Variants in PRKAG1 observed in about 807,000 individuals in gnomAD.
PRKAG1 encodes 5'-AMP-activated protein kinase subunit gamma-1.
PRKAG1 carries 27 observed loss-of-function variants against 48.2 expected under a neutral mutation model. The observed-to-expected ratio is 0.56, with a 90% CI of 0.41 to 0.77. The LOEUF is 0.77. Among genes scored for constraint, PRKAG1 ranks in the 30% least tolerant of loss-of-function variants. The probability of loss-of-function intolerance (pLI) is 0.00; values close to 1 mark genes in which losing one functional copy is unlikely to be tolerated. For missense variants in PRKAG1, 287 were observed against 398.3 expected (o/e 0.72, Z 2.38); for synonymous variants, 130 against 147.7 (o/e 0.88, Z 0.87).
chr12:49,013,224 C>A, intron 1 of PRKAG1, 114 bp from the exon 2 acceptor site: 1 of 923,790 alleles, frequency 1.1e-6, no homozygotes, highest in Non-Finnish European at 1.7e-6. Context: ...CACTATAAAG[C>A]CACTGCCCCC....
At position 49,005,753 on chromosome 12, in the gene PRKAG1, G is replaced by A. The variant is rs1304648370; in HGVS notation, c.158C>T (p.Thr53Met). Residue 53 changes from threonine (T) to methionine (M), a missense_variant, in exon 3 of 12, where the codon ACG becomes ATG. Coordinates refer to ENST00000548065, the MANE Select transcript of PRKAG1 (RefSeq NM_002733.5). The surrounding 1 kb of genome is among the most constrained non-coding windows in gnomAD (Gnocchi z 4.1). ...GAGGATTTCACCCACCTGCAGGGAC[G>A]TATCAAATACAACCAATTTGGAGCT... ...PTSSKLVVFD[T>M]SLQVKKAFFA... is the part of the protein sequence containing the mutation. 6.8e-6 allele frequency: 11 copies of A among 1,613,390 alleles called. No homozygotes were observed. Among genetic ancestry groups the A allele is most frequent in the Middle Eastern group, 1.6e-4 (1 of 6,084 alleles).
intron 1 of PRKAG1, chr12:49,018,007 AGAGTGAGG>A (rs1942065285): frequency 6.6e-6 from 1 of 152,172 alleles, no homozygotes; most frequent in Non-Finnish European, 1.5e-5. Flanking sequence ...AAGACTCCTG[AGAGTGAGG>A]GTGGGTGCAA....
At position 49,002,652 on chromosome 12, in the gene PRKAG1, T is replaced by G; in HGVS notation, c.*247A>C. ...GTTCACCCAGAAAGGGGGATATATCTAAGAGGACAGGGGCTAGAACTGGCT... is the reference window on the plus strand; with the variant it reads ...GTTCACCCAGAAAGGGGGATATATCGAAGAGGACAGGGGCTAGAACTGGCT... On this transcript the variant is annotated 3_prime_UTR_variant, in exon 12 of 12. Coordinates refer to ENST00000548065, the MANE Select transcript of PRKAG1 (RefSeq NM_002733.5). 1 of 575,888 alleles carries G rather than the reference T, an allele frequency of 1.7e-6. No homozygotes were observed. The highest frequency in any genetic ancestry group is 2.6e-5 in the Admixed American group (1 of 38,626). The allele number at this position is 575,888 out of a possible 1,614,324, so 35.7% of individuals were successfully genotyped here.
chr12:49,018,326 G>T, intron 1 of PRKAG1: 1 of 466,242 alleles, frequency 2.1e-6, no homozygotes, highest in Non-Finnish European at 3.0e-6. Flanking sequence ...TCGAGGTCCA[G>T]GAGCTACCTG....
Position 49,005,361 on chromosome 12 carries a change from A to G in PRKAG1, c.254T>C (p.Met85Thr). The change falls in exon 5 of 12, where the codon ATG becomes ACG. Residue 85 changes from methionine to threonine, a missense_variant. Coordinates refer to ENST00000548065, the MANE Select transcript of PRKAG1 (RefSeq NM_002733.5). The surrounding 1 kb of genome is among the most constrained non-coding windows in gnomAD (Gnocchi z 4.1). Reference sequence around the variant, plus strand: ...ATTGATGAAATCAGTGATGGTCAGCATGCCTAGAGGACAAGACAGAGCCCT... The same window carrying G: ...ATTGATGAAATCAGTGATGGTCAGCGTGCCTAGAGGACAAGACAGAGCCCT... ...WDSKKQSFVG[M>T]LTITDFINIL... The G allele has an allele frequency of 1.2e-6, 2 of 1,614,190 alleles. No homozygotes were observed. Among genetic ancestry groups the G allele is most frequent in the Non-Finnish European group, 8.5e-7 (1 of 1,180,040 alleles).
chr12:49,005,704 A>T lies in PRKAG1; in HGVS notation c.168+39T>A. 8.7e-6 allele frequency: 14 copies of T among 1,607,530 alleles called. No individual in the cohort carries two copies. The highest frequency in any genetic ancestry group is 1.2e-5 in the Non-Finnish European group (14 of 1,174,144). On this transcript the variant is annotated intron_variant, in intron 3 of 11. Coordinates refer to ENST00000548065, the MANE Select transcript of PRKAG1 (RefSeq NM_002733.5). The surrounding 1 kb of genome is among the most constrained non-coding windows in gnomAD (Gnocchi z 4.1). ...GATAGGATGAGAGGTATTAAACCAC[A>T]GGCTCCAAAGGGGGAAGGGAAAAGA...
intron 1 of PRKAG1, among the ~76,000 whole-genome samples, chr12:49,015,665 G>A (rs201132393): frequency 5.3e-5 from 8 of 151,944 alleles, no homozygotes; most frequent in South Asian, 2.1e-4. Context: ...CTCCGCCTCC[G>A]GGGTTCAAGC....
intron 1 of PRKAG1, chr12:49,017,556 C>A: frequency 9.3e-6 from 2 of 214,416 alleles, no homozygotes; most frequent in Non-Finnish European, 1.9e-5. Flanking sequence ...AGAGCCTAAT[C>A]CAGTACATAA....
At chr12:49,004,027 T>C (rs1161239608) in intron 8 of PRKAG1, 105 bp from the exon 9 acceptor site, 4 of 1,452,322 alleles carry the variant, frequency 2.8e-6, no homozygotes, top group Non-Finnish European at 3.7e-6. Context: ...CGCCGGCTTA[T>C]GCCTATAATC....
At position 49,002,885 on chromosome 12, in the gene PRKAG1, C is replaced by A; in HGVS notation, c.*14G>T. 6.2e-7 allele frequency: 1 copy of A among 1,608,598 alleles called. No individual in the cohort carries two copies. The highest frequency in any genetic ancestry group is 8.5e-7 in the Non-Finnish European group (1 of 1,175,142). ...GGGCATATCCCCTGGTGCTGCATGACCCCTTCCCCCAGCTCAGGGCTTCTT... is the reference window on the plus strand; with the variant it reads ...GGGCATATCCCCTGGTGCTGCATGAACCCTTCCCCCAGCTCAGGGCTTCTT... On this transcript the variant is annotated 3_prime_UTR_variant, in exon 12 of 12. Transcript: ENST00000548065.
At chr12:49,015,327 A>T (rs546135941) in intron 1 of PRKAG1, among the ~76,000 whole-genome samples, 25 of 152,360 alleles carry the variant, frequency 1.6e-4, no homozygotes, top group Non-Finnish European at 3.1e-4. Flanking sequence ...TTTGTTCATT[A>T]TCTATCCAAA....
rs2067445913 is a variant in PRKAG1 at position 49,002,698 on chromosome 12, T to A, written c.*201A>T. On this transcript the variant is annotated 3_prime_UTR_variant, in exon 12 of 12. Coordinates refer to ENST00000548065, the MANE Select transcript of PRKAG1 (RefSeq NM_002733.5). ...TGGCTAGGCTGAAAGTTTTTTCAAG[T>A]GTATGTGTGAGGGTAAGGGTAGCTA... 1.5e-6 allele frequency: 1 copy of A among 679,236 alleles called. No individual in the cohort carries two copies. The highest frequency in any genetic ancestry group is 1.8e-5 in the African/African-American group (1 of 56,704). 42.1% of individuals were successfully genotyped at this position (679,236 alleles called of 1,614,324 possible).
intron 1 of PRKAG1, among the ~76,000 whole-genome samples, chr12:49,013,641 G>A (rs867568544): frequency 6.6e-6 from 1 of 152,148 alleles, no homozygotes. Flanking sequence ...GTCTCTGAGG[G>A]TCAAGAGACA....
chr12:49,017,022 A>T (rs1255224040), intron 1 of PRKAG1: 1 of 417,204 alleles, frequency 2.4e-6, no homozygotes, highest in Non-Finnish European at 4.7e-6. Context: ...CTGTTCTCTC[A>T]ATTTGCAGTG....
At chr12:49,014,882 T>C (rs1306066986) in intron 1 of PRKAG1, among the ~76,000 whole-genome samples, 1 of 152,256 alleles carries the variant, frequency 6.6e-6, no homozygotes, top group Non-Finnish European at 1.5e-5. Context: ...TTTCATCTGC[T>C]AGCATCAACA....
chr12:49,012,907 T>A (rs1025077005), intron 2 of PRKAG1, 155 bp downstream of exon 2: 6 of 681,238 alleles, frequency 8.8e-6, no homozygotes, highest in Non-Finnish European at 1.5e-5. Flanking sequence ...TCCTGGGTGA[T>A]CTTGCCAAAC....
rs1454790988 is a variant in PRKAG1, at chr12:49,005,326, G to A, written c.289C>T (p.Arg97Cys). ...TITDFINILH[R>C]YYKSALVQIY... ...CTTACCAAGGCTGATTTATAGTAGC[G>A]GTGCAGGATATTGATGAAATCAGTG... Residue 97 changes from arginine to cysteine, a missense_variant, in exon 5 of 12, where the codon CGC becomes TGC. Physicochemically the swap from Arg to Cys is radical, Grantham distance 180. This residue lies in a region of PRKAG1 where 224 missense variants were observed against 344.3 expected (regional missense o/e 0.65). Transcript: ENST00000548065. This position sits in a 1 kb window ranked among gnomAD's most constrained non-coding sequence, Gnocchi z 4.1. The A allele has an allele frequency of 2.5e-6, 4 of 1,614,120 alleles. No homozygotes were observed. Among genetic ancestry groups the A allele is most frequent in the Admixed American group, 1.7e-5 (1 of 60,004 alleles).
At chr12:49,018,394 C>T in intron 1 of PRKAG1, 1 of 1,161,364 alleles carries the variant, frequency 8.6e-7, no homozygotes. Context: ...GCTCACAACC[C>T]TGCGCTCTCA....
At position 49,011,134 on chromosome 12, in the gene PRKAG1, C is replaced by T. The variant is rs117622779; in HGVS notation, c.58+1928G>A. On this transcript the variant is annotated intron_variant, in intron 2 of 11. Coordinates refer to ENST00000548065, the MANE Select transcript of PRKAG1 (RefSeq NM_002733.5). ...CTGGGATTACAAGCATGAGCCACTA[C>T]GCGCAGCCCAATCTACCAATCTACC... 4.2e-3 allele frequency among the ~76,000 whole-genome samples: 642 copies of T among 152,242 alleles called. 35 individuals are homozygous for T. In the East Asian group the frequency reaches 0.1, roughly 24 times the overall value.
Sources: allele counts gnomAD v4.1 joint callset (sites outside exome capture counted in the v4.1 genomes callset), GRCh38; gene constraint gnomAD v4.1.1; regional missense constraint gnomAD v4.1.1; non-coding constraint Gnocchi (gnomAD v3.1); transcripts MANE v1.5; gene names NCBI Gene and HGNC (gene_info 2026-07-23, HGNC 2026-07-21).